Variants in TMEM132B observed in about 807,000 individuals in gnomAD.
The protein encoded by TMEM132B is transmembrane protein 132B.
A neutral mutation model predicts 90.8 loss-of-function variants in TMEM132B; 18 were observed. The ratio of observed to expected loss-of-function variants is 0.20; its 90% CI spans 0.14 to 0.29. The LOEUF is 0.29. Among genes scored for constraint, TMEM132B ranks in the 10% least tolerant of loss-of-function variants. The pLI is 1.00. For synonymous variants in TMEM132B, 504 were observed against 523.3 expected (o/e 0.96, Z 0.50); for missense variants, 1,096 against 1,326.8 (o/e 0.83, Z 2.70).
chr12:125,238,377 C>CAAAAAAAAAAAAA (rs1207886157), intron 1 of TMEM132B, among the ~76,000 whole-genome samples: 27 of 129,518 alleles, frequency 2.1e-4, no homozygotes, highest in African/African-American at 2.6e-4. Context: ...AAAAAAAAAA[C>CAAAAAAAAAAAAA]AAAAAAAAAC....
At chr12:125,637,546 C>T (rs920536722) in intron 5 of TMEM132B, among the ~76,000 whole-genome samples, 1 of 152,064 alleles carries the variant, frequency 6.6e-6, no homozygotes, top group Non-Finnish European at 1.5e-5. Context: ...TTGGTTCCAT[C>T]CGGAAAGGTG....
At chr12:125,599,658 G>A (rs757419979) in intron 5 of TMEM132B, among the ~76,000 whole-genome samples, 4 of 152,130 alleles carry the variant, frequency 2.6e-5, no homozygotes, top group African/African-American at 7.2e-5. Context: ...AATCAATGAA[G>A]CAAGATCCCT....
chr12:125,200,403 A>G (rs907678125), intron 1 of TMEM132B, among the ~76,000 whole-genome samples: 2 of 152,196 alleles, frequency 1.3e-5, no homozygotes, highest in South Asian at 2.1e-4. Context: ...GTTTTTATAC[A>G]TATACCCCTT....
intron 1 of TMEM132B, among the ~76,000 whole-genome samples, chr12:125,215,119 T>G (rs1290903749): frequency 6.6e-6 from 1 of 152,198 alleles, no homozygotes; most frequent in Non-Finnish European, 1.5e-5. Flanking sequence ...GCTCCTCCAC[T>G]TCTGTATATA....
chr12:125,608,418 A>G (rs943129135), intron 5 of TMEM132B, among the ~76,000 whole-genome samples: 12 of 152,140 alleles, frequency 7.9e-5, no homozygotes, highest in African/African-American at 2.2e-4. Context: ...TTAAAATTGA[A>G]TTATCTTTTC....
intron 4 of TMEM132B, among the ~76,000 whole-genome samples, chr12:125,547,379 C>A (rs1417578939): frequency 6.6e-6 from 1 of 151,960 alleles, no homozygotes; most frequent in African/African-American, 2.4e-5. Context: ...ATTTGTATTT[C>A]TCTGATGACT....
chr12:125,641,976 T>C (rs1886641625), intron 5 of TMEM132B, among the ~76,000 whole-genome samples: 1 of 152,186 alleles, frequency 6.6e-6, no homozygotes, highest in South Asian at 2.1e-4. Context: ...TGCAGGTTTC[T>C]AAATCACAGG....
intron 1 of TMEM132B, among the ~76,000 whole-genome samples, chr12:125,206,262 A>C (rs1873182790): frequency 6.6e-6 from 1 of 152,124 alleles, no homozygotes; most frequent in African/African-American, 2.4e-5. Flanking sequence ...GTTTTGAGAC[A>C]GAGTCTCACT....
chr12:125,321,351 C>G (rs144116960), intron 1 of TMEM132B, among the ~76,000 whole-genome samples: 84 of 152,140 alleles, frequency 5.5e-4, no homozygotes, highest in African/African-American at 1.9e-3. Context: ...TACCACTGCA[C>G]AACCAATGGA....
In TMEM132B at chr12:125,654,721, T is replaced by TA; in HGVS notation, c.*12dup. On this transcript the variant is annotated 3_prime_UTR_variant, in exon 9 of 9. Transcript: ENST00000682704. The surrounding 1 kb of genome is among the most constrained non-coding windows in gnomAD (Gnocchi z 5.8). ...CAAGACCAGATGTAAACTCCTTTCT[T>TA]ATGTTTGTATTCACCTTTATGCCTT... The TA allele has an allele frequency of 1.2e-6, 2 of 1,606,286 alleles. No individual in the cohort carries two copies. Among genetic ancestry groups the TA allele is most frequent in the Non-Finnish European group, 1.7e-6 (2 of 1,175,650 alleles).
Position 125,406,353 on chromosome 12 carries a change from C to T in TMEM132B, c.960-9178C>T, listed in dbSNP as rs1232139937. ...GTTGCACGAGGCATCTGTGTATTAG[C>T]AGTGCAAGGCGGAGGACAGTGCCTG... On this transcript the variant is annotated intron_variant, in intron 2 of 8. Coordinates refer to ENST00000682704, the MANE Select transcript of TMEM132B (RefSeq NM_001366854.1). This position sits in a 1 kb window ranked among gnomAD's most constrained non-coding sequence, Gnocchi z 8.3. Among the ~76,000 whole-genome samples the T allele has an allele frequency of 3.3e-5, 5 of 152,208 alleles. No individual in the cohort carries two copies. The highest frequency in any genetic ancestry group is 7.3e-5 in the Non-Finnish European group (5 of 68,040).
intron 3 of TMEM132B, among the ~76,000 whole-genome samples, chr12:125,428,500 A>T (rs894587865): frequency 1.3e-5 from 2 of 152,150 alleles, no homozygotes; most frequent in African/African-American, 4.8e-5. Flanking sequence ...GTCATTATGA[A>T]GCCTTCCTCA....
chr12:125,589,481 C>CAAAAA (rs71095204), intron 5 of TMEM132B, among the ~76,000 whole-genome samples: 5 of 73,162 alleles, frequency 6.8e-5, no homozygotes, highest in Non-Finnish European at 9.8e-5. Flanking sequence ...GACTCCGTCT[C>CAAAAA]AAAAAAAAAA....
At chr12:125,601,587 T>C (rs1257342831) in intron 5 of TMEM132B, among the ~76,000 whole-genome samples, 2 of 152,018 alleles carry the variant, frequency 1.3e-5, no homozygotes, top group Admixed American at 1.3e-4. Flanking sequence ...ATCCAAAAGC[T>C]AGCAGAAGAC....
At chr12:125,502,725 G>T (rs549512274) in intron 3 of TMEM132B, among the ~76,000 whole-genome samples, 1 of 152,328 alleles carries the variant, frequency 6.6e-6, no homozygotes, top group South Asian at 2.1e-4. Flanking sequence ...AACTCCAGAA[G>T]AGCTCACGGT....
At chr12:125,647,488 TG>T (rs1886795818) in intron 6 of TMEM132B, among the ~76,000 whole-genome samples, 1 of 152,220 alleles carries the variant, frequency 6.6e-6, no homozygotes, top group African/African-American at 2.4e-5. Flanking sequence ...CCAATTTGAA[TG>T]GCAATGAATT....
At chr12:125,245,951 A>G (rs1874198285) in intron 1 of TMEM132B, among the ~76,000 whole-genome samples, 1 of 152,106 alleles carries the variant, frequency 6.6e-6, no homozygotes, top group Admixed American at 6.5e-5. Context: ...GAGTTGATTC[A>G]CCCGACATCT....
intron 1 of TMEM132B, among the ~76,000 whole-genome samples, chr12:125,250,271 A>G (rs1190229935): frequency 6.6e-6 from 1 of 152,262 alleles, no homozygotes; most frequent in Non-Finnish European, 1.5e-5. Context: ...GTATTTCAGA[A>G]GCCTGTGCAA....
intron 2 of TMEM132B, among the ~76,000 whole-genome samples, chr12:125,358,930 T>C (rs1877872933): frequency 6.6e-6 from 1 of 152,248 alleles, no homozygotes; most frequent in African/African-American, 2.4e-5. Flanking sequence ...TAGAAGTGAA[T>C]ATTGTAGAAG....
Sources: allele counts gnomAD v4.1 joint callset (sites outside exome capture counted in the v4.1 genomes callset), GRCh38; gene constraint gnomAD v4.1.1; non-coding constraint Gnocchi (gnomAD v3.1); transcripts MANE v1.5; gene names NCBI Gene and HGNC (gene_info 2026-07-23, HGNC 2026-07-21).